Variants in PRDM5 observed in about 807,000 individuals in gnomAD.
PRDM5 encodes PR domain zinc finger protein 5.
A neutral mutation model predicts 81.2 loss-of-function variants in PRDM5; 56 were observed. The ratio of observed to expected loss-of-function variants is 0.69; its 90% CI spans 0.56 to 0.86. The LOEUF is 0.86. Ranked by LOEUF, PRDM5 falls within the 40% of genes least tolerant of loss-of-function variation. The probability of loss-of-function intolerance (pLI) is 0.00; values close to 1 mark genes in which losing one functional copy is unlikely to be tolerated. For missense variants in PRDM5, 697 were observed against 770.1 expected, an observed-to-expected ratio of 0.91 and a Z score of 1.12; for synonymous variants, 267 against 256.4, an observed-to-expected ratio of 1.04 and a Z score of -0.39.
intron 2 of PRDM5, among the ~76,000 whole-genome samples, chr4:120,865,234 A>T (rs1326750508): frequency 1.3e-5 from 2 of 152,172 alleles, no homozygotes; most frequent in African/African-American, 4.8e-5. Context: ...TTCCAGAGAT[A>T]TGGGGCTTAA....
At chr4:120,858,515 A>G (rs1760149068) in intron 2 of PRDM5, among the ~76,000 whole-genome samples, 1 of 152,020 alleles carries the variant, frequency 6.6e-6, no homozygotes, top group Non-Finnish European at 1.5e-5. Context: ...TCCCCCACTG[A>G]TTGTTCAAAG....
chr4:120,707,378 C>A (rs891358755), intron 15 of PRDM5, among the ~76,000 whole-genome samples: 1 of 151,306 alleles, frequency 6.6e-6, no homozygotes, highest in South Asian at 2.1e-4. Context: ...AAAACTCCAA[C>A]ATCCTCTCTT....
In PRDM5 at chr4:120,695,227, T is replaced by C. The variant is rs1377595192; in HGVS notation, c.1777A>G (p.Met593Val). ...AGGGGACGATTGGGATTATGAGTCA[T>C]CTTGTGTCGAATCAGCATTTTCTTC... is the stretch of plus-strand genomic sequence containing the variant. ...SLKKMLIRHK[M>V]THNPNRPLAE... is the part of the protein sequence containing the mutation. The change falls in exon 16 of 16, where the codon ATG becomes GTG. Residue 593 changes from methionine (M) to valine (V), a missense_variant. Coordinates refer to ENST00000264808, the MANE Select transcript of PRDM5 (RefSeq NM_018699.4). 1.2e-6 allele frequency: 2 copies of C among 1,613,574 alleles called. No homozygotes were observed. The highest frequency in any genetic ancestry group is 1.7e-6 in the Non-Finnish European group (2 of 1,179,638).
At chr4:120,825,382 T>A (rs1057243936) in intron 3 of PRDM5, among the ~76,000 whole-genome samples, 1 of 152,196 alleles carries the variant, frequency 6.6e-6, no homozygotes, top group Non-Finnish European at 1.5e-5. Context: ...TCACACAAAG[T>A]TGCTTTTACC....
Position 120,694,954 on chromosome 4 carries a change from G to A in PRDM5, c.*157C>T. ...CTTGTTAAAAGTAAGACTTTTTTTT[G>A]GTTGCATATGCATCTACAGACTCTA... On this transcript the variant is annotated 3_prime_UTR_variant, in exon 16 of 16. Transcript: ENST00000264808. The A allele has an allele frequency of 1.3e-6, 1 of 763,130 alleles. No homozygotes were observed. Among genetic ancestry groups the A allele is most frequent in the Non-Finnish European group, 2.1e-6 (1 of 468,838 alleles). 47.3% of individuals were successfully genotyped at this position (763,130 alleles called of 1,614,324 possible).
At chr4:120,807,642 C>G (rs992480656) in intron 8 of PRDM5, among the ~76,000 whole-genome samples, 12 of 152,226 alleles carry the variant, frequency 7.9e-5, no homozygotes, top group African/African-American at 2.9e-4. Context: ...TCACTGACTT[C>G]AAGAATGAAG....
At chr4:120,799,553 A>C in intron 9 of PRDM5, 108 bp downstream of exon 9, 2 of 1,492,132 alleles carry the variant, frequency 1.3e-6, no homozygotes, top group Non-Finnish European at 1.8e-6. Context: ...GGTCCAAAGC[A>C]GAATTCATAG....
chr4:120,747,397 C>A (rs558751897), intron 14 of PRDM5, among the ~76,000 whole-genome samples: 1 of 151,736 alleles, frequency 6.6e-6, no homozygotes, highest in African/African-American at 2.4e-5. Flanking sequence ...AACTAACTTG[C>A]ACAATGTGCA....
chr4:120,818,243 C>A lies in PRDM5; in HGVS notation c.650+110G>T, dbSNP rs1049562866. Reference sequence around the variant, plus strand: ...ATCTCTCATTCACACACAAAACATGCGCGTGCGCGCGTGCACACACACACA... The same window carrying A: ...ATCTCTCATTCACACACAAAACATGAGCGTGCGCGCGTGCACACACACACA... On this transcript the variant is annotated intron_variant, in intron 5 of 15. Transcript: ENST00000264808. The A allele has an allele frequency of 7.0e-6, 8 of 1,135,844 alleles. No homozygotes were observed. In the East Asian group the frequency reaches 2.1e-4, roughly 29 times the overall value. 70.4% of individuals were successfully genotyped at this position (1,135,844 alleles called of 1,614,324 possible). A position where few individuals can be genotyped will look rare whatever the true frequency, so the allele number is the denominator to read the frequency against.
chr4:120,893,890 C>T (rs925006066), intron 2 of PRDM5, among the ~76,000 whole-genome samples: 2 of 152,046 alleles, frequency 1.3e-5, no homozygotes, highest in African/African-American at 4.8e-5. Context: ...TTGTTTCATT[C>T]TTTTATTTTC....
chr4:120,684,785 T>A (rs1733774991), downstream of PRDM5: 1 of 151,968 alleles, frequency 6.6e-6, no homozygotes, highest in Admixed American at 6.6e-5. Flanking sequence ...ATTACATGAA[T>A]AAAAATTACA....
chr4:120,736,628 A>G (rs1391897565), intron 14 of PRDM5, among the ~76,000 whole-genome samples: 2 of 152,064 alleles, frequency 1.3e-5, no homozygotes, highest in African/African-American at 4.8e-5. Context: ...TACACCTTCT[A>G]TTTTACTCCA....
intron 3 of PRDM5, among the ~76,000 whole-genome samples, chr4:120,851,328 G>A (rs1759239435): frequency 6.6e-6 from 1 of 151,878 alleles, no homozygotes; most frequent in African/African-American, 2.4e-5. Flanking sequence ...TTTAATAATA[G>A]TAACATTTAC....
chr4:120,822,980 A>G (rs2149351566), intron 3 of PRDM5, among the ~76,000 whole-genome samples: 1 of 152,352 alleles, frequency 6.6e-6, no homozygotes, highest in Non-Finnish European at 1.5e-5. Context: ...TTAGTGCAAC[A>G]AAAGCAAACA....
chr4:120,873,409 A>G (rs1427465651), intron 2 of PRDM5, among the ~76,000 whole-genome samples: 1 of 152,244 alleles, frequency 6.6e-6, no homozygotes, highest in East Asian at 1.9e-4. Context: ...AGTCTTTGAT[A>G]GAAATAATTG....
chr4:120,780,846 T>C (rs946155140), intron 12 of PRDM5, among the ~76,000 whole-genome samples: 6 of 152,124 alleles, frequency 3.9e-5, no homozygotes, highest in Non-Finnish European at 8.8e-5. Context: ...TTCAAAAATA[T>C]ATAAAAATTG....
At chr4:120,912,291 G>GC (rs375188904) in intron 1 of PRDM5, among the ~76,000 whole-genome samples, 16 of 152,220 alleles carry the variant, frequency 1.1e-4, no homozygotes, top group African/African-American at 3.4e-4. Flanking sequence ...TACATTATAT[G>GC]CCCCCTACTG....
chr4:120,921,371 C>T (rs944112835), intron 1 of PRDM5, among the ~76,000 whole-genome samples: 5 of 152,218 alleles, frequency 3.3e-5, no homozygotes, highest in Admixed American at 2.0e-4. Flanking sequence ...CTCGCCAACT[C>T]CCACTTGAAA....
chr4:120,738,677 CA>C (rs1339126572), intron 14 of PRDM5, among the ~76,000 whole-genome samples: 3 of 152,112 alleles, frequency 2.0e-5, no homozygotes, highest in African/African-American at 7.2e-5. Flanking sequence ...TATTGAGATA[CA>C]ACAGCTAACT....
Sources: gnomAD v4.1 joint callset for allele counts (sites outside exome capture counted in the v4.1 genomes callset) on GRCh38, gnomAD v4.1.1 for gene constraint, MANE v1.5 for transcripts, NCBI Gene and HGNC (gene_info 2026-07-23, HGNC 2026-07-21) for gene names.